Variants in CCDC122 observed in about 807,000 individuals in gnomAD.
CCDC122 encodes the protein coiled-coil domain-containing protein 122.
A neutral mutation model predicts 37.0 loss-of-function variants in CCDC122; 38 were observed. The ratio of observed to expected loss-of-function variants is 1.03; its 90% CI spans 0.79 to 1.35. The LOEUF is 1.35. Among genes scored for constraint, CCDC122 ranks in the 40% most tolerant of loss-of-function variants. The pLI, the probability that CCDC122 is intolerant of heterozygous loss-of-function variation, is 0.00. For missense variants in CCDC122, 305 were observed against 310.0 expected (o/e 0.98, Z 0.12); for synonymous variants, 83 against 95.6 (o/e 0.87, Z 0.77).
intron 6 of CCDC122, among the ~76,000 whole-genome samples, chr13:43,845,637 G>A (rs149500333): frequency 0.018 from 2,788 of 152,282 alleles, 62 homozygotes; most frequent in East Asian, 0.075. Flanking sequence ...GCTGGAGCCC[G>A]GGAGGCAGAG....
Position 43,836,677 on chromosome 13 carries a change from C to T in CCDC122, c.*603G>A, listed in dbSNP as rs1474703876. ...CATCCTGGCTAACAAGGTGAAACCC[C>T]GTCTCTACTAAAAATACAAAAAATT... is the stretch of plus-strand genomic sequence containing the variant. On this transcript the variant is annotated 3_prime_UTR_variant, in exon 7 of 7. Coordinates refer to ENST00000444614, the MANE Select transcript of CCDC122 (RefSeq NM_144974.5). The T allele has an allele frequency of 6.6e-6, 1 of 151,108 alleles. No homozygotes were observed. The allele number at this position is 151,108 out of a possible 1,614,324, so 9.4% of individuals were successfully genotyped here.
chr13:43,838,931 G>C (rs1045590801), intron 6 of CCDC122, among the ~76,000 whole-genome samples: 1 of 152,178 alleles, frequency 6.6e-6, no homozygotes, highest in African/African-American at 2.4e-5. Context: ...TATAATGAGG[G>C]ATAGGGTAAA....
intron 3 of CCDC122, among the ~76,000 whole-genome samples, chr13:43,829,750 C>T (rs986927480): frequency 6.6e-6 from 1 of 152,182 alleles, no homozygotes; most frequent in African/African-American, 2.4e-5. Context: ...AAAATATTTT[C>T]CCCAAATATC....
At chr13:43,852,895 T>G (rs1252175751) in intron 6 of CCDC122, among the ~76,000 whole-genome samples, 1 of 152,062 alleles carries the variant, frequency 6.6e-6, no homozygotes, top group African/African-American at 2.4e-5. Context: ...CTAAGCTTTA[T>G]AAGCGAAGGA....
intron 6 of CCDC122, chr13:43,855,935 T>C (rs1007688993): frequency 1.3e-5 from 2 of 152,144 alleles, no homozygotes; most frequent in Non-Finnish European, 2.9e-5. Flanking sequence ...ATATTCACAA[T>C]AGCAAAGACA....
intron 6 of CCDC122, among the ~76,000 whole-genome samples, chr13:43,841,438 T>C (rs892484259): frequency 5.9e-5 from 9 of 152,218 alleles, no homozygotes; most frequent in Admixed American, 5.9e-4. Flanking sequence ...ATTCTAGGGG[T>C]AAAAAGGTGT....
intron 2 of CCDC122, among the ~76,000 whole-genome samples, chr13:43,869,973 A>G (rs1954394554): frequency 6.6e-6 from 1 of 152,126 alleles, no homozygotes; most frequent in South Asian, 2.1e-4. Context: ...CTCTTTATTT[A>G]GGAGTAATGA....
At chr13:43,821,532 A>AGATTT (rs1186136401), downstream of CCDC122, among the ~76,000 whole-genome samples, 1 of 152,148 alleles carries the variant, frequency 6.6e-6, no homozygotes, top group Non-Finnish European at 1.5e-5. Context: ...CCCTTTCTCT[A>AGATTT]GATTTGATAA....
At chr13:43,871,766 G>T (rs1954460285) in intron 2 of CCDC122, among the ~76,000 whole-genome samples, 1 of 152,070 alleles carries the variant, frequency 6.6e-6, no homozygotes, top group Non-Finnish European at 1.5e-5. Context: ...GTCTGGAGAT[G>T]AAACATTTTT....
intron 6 of CCDC122, among the ~76,000 whole-genome samples, chr13:43,839,800 A>C (rs1372403159): frequency 6.6e-6 from 1 of 152,212 alleles, no homozygotes; most frequent in Non-Finnish European, 1.5e-5. Flanking sequence ...GCCACTGTTA[A>C]AAGAAAAACT....
chr13:43,873,421 CAGTAAATTATA>C (rs1428659219), intron 2 of CCDC122, among the ~76,000 whole-genome samples: 2 of 152,144 alleles, frequency 1.3e-5, no homozygotes, highest in Non-Finnish European at 1.5e-5. Context: ...TTCTCTATCT[CAGTAAATTATA>C]AGTTCATTTT....
At chr13:43,861,022 A>C (rs111267516) in intron 4 of CCDC122, among the ~76,000 whole-genome samples, 167 of 152,356 alleles carry the variant, frequency 1.1e-3, no homozygotes, top group African/African-American at 3.8e-3. Flanking sequence ...TTGGCTAGGT[A>C]GTTCATAAGC....
chr13:43,866,050 T>C (rs535550335), intron 4 of CCDC122, among the ~76,000 whole-genome samples: 1 of 152,268 alleles, frequency 6.6e-6, no homozygotes, highest in South Asian at 2.1e-4. Context: ...GACTAATGAA[T>C]GGGTAGCTCA....
rs117153101 is a variant in CCDC122, at chr13:43,868,229, G to T, written c.156+465C>A. On this transcript the variant is annotated intron_variant, in intron 4 of 6. Transcript: ENST00000444614. ...ACATAGTATAGTTATATCTAATTAC[G>T]TTGCATGCGAAGACCAAGTATGGCT... Among the ~76,000 whole-genome samples the T allele has an allele frequency of 9.7e-3, 1,476 of 152,026 alleles. 7 individuals are homozygous for T. Among genetic ancestry groups the T allele is most frequent in the Middle Eastern group, 0.024 (7 of 294 alleles).
At chr13:43,840,637 T>G (rs551427661) in intron 6 of CCDC122, among the ~76,000 whole-genome samples, 3 of 152,220 alleles carry the variant, frequency 2.0e-5, no homozygotes, top group Non-Finnish European at 4.4e-5. Context: ...ATGCGGTGTT[T>G]GGTTTTTTGT....
intron 1 of CCDC122, chr13:43,877,691 T>C (rs538942516): frequency 1.3e-5 from 2 of 152,304 alleles, no homozygotes; most frequent in Admixed American, 6.5e-5. Context: ...GAACTGCAAA[T>C]GTAAAGAATG....
intron 3 of CCDC122, among the ~76,000 whole-genome samples, chr13:43,828,452 T>C (rs1359239103): frequency 6.6e-6 from 1 of 152,090 alleles, no homozygotes; most frequent in East Asian, 1.9e-4. Flanking sequence ...CCAGTTGGGA[T>C]TAATTGCTCC....
chr13:43,863,505 C>T (rs937574241), intron 4 of CCDC122, among the ~76,000 whole-genome samples: 1 of 152,050 alleles, frequency 6.6e-6, no homozygotes, highest in African/African-American at 2.4e-5. Context: ...AGTTAAATGG[C>T]TAGATTATAC....
intron 2 of CCDC122, among the ~76,000 whole-genome samples, chr13:43,871,565 T>C: frequency 6.6e-6 from 1 of 152,144 alleles, no homozygotes. Flanking sequence ...TTCAGCTTGG[T>C]AAGTCCTTTA....
Sources: gnomAD v4.1 joint callset for allele counts (sites outside exome capture counted in the v4.1 genomes callset) on GRCh38, gnomAD v4.1.1 for gene constraint, MANE v1.5 for transcripts, NCBI Gene and HGNC (gene_info 2026-07-23, HGNC 2026-07-21) for gene names.